The following LRP1B variants were observed in gnomAD, a reference collection of about 807,000 sequenced individuals.
The protein encoded by LRP1B is LDL receptor related protein 1B.
LRP1B carries 217 observed loss-of-function variants against 556.6 expected under a neutral mutation model. The ratio of observed to expected loss-of-function variants is 0.39; its 90% CI spans 0.35 to 0.44. The LOEUF is 0.44. Ranked by LOEUF, LRP1B falls within the 20% of genes least tolerant of loss-of-function variation. The probability of loss-of-function intolerance (pLI) is 1.00; values close to 1 mark genes in which losing one functional copy is unlikely to be tolerated. For synonymous variants in LRP1B, 2,047 were observed against 1,865.8 expected, an observed-to-expected ratio of 1.10 and a Z score of -2.50; for missense variants, 5,053 against 5,620.8, an observed-to-expected ratio of 0.90 and a Z score of 3.23.
chr2:141,828,326 G>T (rs1697003423), intron 1 of LRP1B, among the ~76,000 whole-genome samples: 1 of 151,918 alleles, frequency 6.6e-6, no homozygotes, highest in Non-Finnish European at 1.5e-5. Flanking sequence ...CAGCAGTGTG[G>T]TAATTCAATT....
chr2:141,650,922 A>G (rs1435359688), intron 2 of LRP1B, among the ~76,000 whole-genome samples: 2 of 152,202 alleles, frequency 1.3e-5, no homozygotes, highest in East Asian at 1.9e-4. Flanking sequence ...TCCACATTCC[A>G]ACTACACGGA....
chr2:141,945,439 G>T (rs186830815), intron 1 of LRP1B, among the ~76,000 whole-genome samples: 149 of 151,736 alleles, frequency 9.8e-4, no homozygotes, highest in African/African-American at 3.4e-3. Context: ...CCTCTCTTAA[G>T]ATATGTATCA....
intron 1 of LRP1B, among the ~76,000 whole-genome samples, chr2:141,831,995 T>G (rs1205532499): frequency 6.6e-6 from 1 of 151,694 alleles, no homozygotes; most frequent in Non-Finnish European, 1.5e-5. Flanking sequence ...ATGGTCACTC[T>G]AATAGTACTG....
chr2:141,306,489 T>C (rs2105440247), intron 3 of LRP1B, among the ~76,000 whole-genome samples: 1 of 152,262 alleles, frequency 6.6e-6, no homozygotes, highest in South Asian at 2.1e-4. Context: ...TCCTCTTTGA[T>C]ATCTGATTTT....
chr2:141,676,637 G>A (rs1053725657), intron 2 of LRP1B, among the ~76,000 whole-genome samples: 7 of 152,108 alleles, frequency 4.6e-5, no homozygotes, highest in African/African-American at 1.7e-4. Context: ...AGTTAGAATT[G>A]TTTAATTTTA....
intron 35 of LRP1B, among the ~76,000 whole-genome samples, chr2:140,764,676 A>G (rs1689040432): frequency 6.6e-6 from 1 of 152,168 alleles, no homozygotes; most frequent in African/African-American, 2.4e-5. Context: ...TTGATCAGAA[A>G]GTAGAGTTCC....
rs1574064439 is a variant in LRP1B, at chr2:141,544,331, C to CTTCTTCTTCTTCTTCTTCTTCTTCTTCTT, written c.206-63827_206-63799dup. On this transcript the variant is annotated intron_variant, in intron 2 of 90. Coordinates refer to ENST00000389484, the MANE Select transcript of LRP1B (RefSeq NM_018557.3). ...TCTTCTTCTTCTTCTTCTTCTTCTT[C>CTTCTTCTTCTTCTTCTTCTTCTTCTTCTT]TTCTTCTTCTTCTTCTTCTTCTTCT... is the stretch of plus-strand genomic sequence containing the variant. Among the ~76,000 whole-genome samples, 29 of 29,500 alleles carry CTTCTTCTTCTTCTTCTTCTTCTTCTTCTT rather than the reference C, an allele frequency of 9.8e-4. 1 individual carries two copies. The highest frequency in any genetic ancestry group is 3.2e-3 in the East Asian group (4 of 1,238). 19.4% of individuals were successfully genotyped at this position (29,500 alleles called of 152,430 possible). A position where few individuals can be genotyped will look rare whatever the true frequency, so the allele number is the denominator to read the frequency against.
intron 86 of LRP1B, among the ~76,000 whole-genome samples, chr2:140,258,872 G>A (rs1271205903): frequency 6.6e-6 from 1 of 152,006 alleles, no homozygotes; most frequent in Non-Finnish European, 1.5e-5. Flanking sequence ...AAAAATCTTT[G>A]TCTTCCTTTA....
chr2:141,331,007 C>A (rs553418312), intron 3 of LRP1B, among the ~76,000 whole-genome samples: 19 of 152,266 alleles, frequency 1.2e-4, no homozygotes, highest in African/African-American at 4.6e-4. Context: ...ATCCGTCCGC[C>A]TCGGCCTCCC....
intron 1 of LRP1B, among the ~76,000 whole-genome samples, chr2:142,024,989 G>C (rs1189670840): frequency 6.6e-6 from 1 of 152,122 alleles, no homozygotes; most frequent in Non-Finnish European, 1.5e-5. Flanking sequence ...TAAAAAATTA[G>C]TAGTTTAATA....
chr2:140,532,948 A>C (rs201101787), intron 47 of LRP1B, among the ~76,000 whole-genome samples: 102 of 42,014 alleles, frequency 2.4e-3, no homozygotes, highest in South Asian at 7.0e-3. Flanking sequence ...ATATATATAT[A>C]CACATATATA....
intron 2 of LRP1B, among the ~76,000 whole-genome samples, chr2:141,499,385 C>A (rs570842940): frequency 6.6e-6 from 1 of 152,180 alleles, no homozygotes; most frequent in African/African-American, 2.4e-5. Context: ...CGCTTCCTTC[C>A]GGTAATACCT....
At chr2:141,319,346 C>T (rs1381927189) in intron 3 of LRP1B, among the ~76,000 whole-genome samples, 6 of 125,408 alleles carry the variant, frequency 4.8e-5, no homozygotes, top group African/African-American at 1.9e-4. Context: ...TTGAAATGTT[C>T]CTCAGGACAT....
intron 25 of LRP1B, among the ~76,000 whole-genome samples, chr2:140,870,189 G>A (rs1389565692): frequency 6.6e-6 from 1 of 152,054 alleles, no homozygotes; most frequent in African/African-American, 2.4e-5. Flanking sequence ...TTCATCTATT[G>A]TTCTGAAGGA....
chr2:140,674,158 C>T (rs563509363), intron 41 of LRP1B, among the ~76,000 whole-genome samples: 2 of 151,954 alleles, frequency 1.3e-5, no homozygotes, highest in African/African-American at 4.8e-5. Context: ...CCATGTTGGT[C>T]AGGCTGGTCT....
intron 6 of LRP1B, among the ~76,000 whole-genome samples, chr2:141,218,351 A>T (rs1682899577): frequency 6.6e-6 from 1 of 152,226 alleles, no homozygotes; most frequent in Non-Finnish European, 1.5e-5. Context: ...ACATCACAGC[A>T]CTATTCACAA....
chr2:141,744,189 T>C (rs1054607002), intron 2 of LRP1B, among the ~76,000 whole-genome samples: 42 of 152,102 alleles, frequency 2.8e-4, no homozygotes, highest in African/African-American at 6.8e-4. Flanking sequence ...TGTTGTGCTT[T>C]CATTGTCATT....
intron 35 of LRP1B, among the ~76,000 whole-genome samples, chr2:140,758,953 G>A (rs906904673): frequency 1.3e-5 from 2 of 151,936 alleles, no homozygotes; most frequent in African/African-American, 4.8e-5. Flanking sequence ...TATGTTTAGA[G>A]CCTTGAATTA....
chr2:141,961,218 GA>G (rs1701396402), intron 1 of LRP1B, among the ~76,000 whole-genome samples: 2 of 151,426 alleles, frequency 1.3e-5, no homozygotes, highest in Admixed American at 1.3e-4. Flanking sequence ...TTGCAACAAA[GA>G]ATTTCTATGA....
Sources: gnomAD v4.1 joint callset for allele counts (sites outside exome capture counted in the v4.1 genomes callset) on GRCh38, gnomAD v4.1.1 for gene constraint, MANE v1.5 for transcripts, NCBI Gene and HGNC (gene_info 2026-07-23, HGNC 2026-07-21) for gene names.